Variants in DLC1 observed in about 807,000 individuals in gnomAD.
DLC1 encodes DLC1 Rho GTPase activating protein.
In DLC1, 54 loss-of-function variants were observed where a neutral mutation model predicts 140.3. That is an observed-to-expected ratio of 0.38 (90% CI 0.31 to 0.48). DLC1 has a LOEUF of 0.48. Among genes scored for constraint, DLC1 ranks in the 20% least tolerant of loss-of-function variants. DLC1 has a pLI of 0.96. For synonymous variants in DLC1, 986 were observed against 728.1 expected (o/e 1.35, Z -5.70); for missense variants, 2,536 against 1,907.0 (o/e 1.33, Z -6.14).
intron 5 of DLC1, among the ~76,000 whole-genome samples, chr8:13,117,672 G>C (rs1280424631): frequency 6.6e-6 from 1 of 152,224 alleles, no homozygotes; most frequent in African/African-American, 2.4e-5. Flanking sequence ...AAAAGTAAAT[G>C]TGCTTGCTTT....
intron 4 of DLC1, among the ~76,000 whole-genome samples, chr8:13,324,665 T>C (rs150320253): frequency 4.9e-4 from 75 of 152,088 alleles, no homozygotes; most frequent in Non-Finnish European, 9.1e-4. Context: ...CTTCATAAGC[T>C]CAGCTTCCAA....
chr8:13,554,354 C>G (rs922341339), intron 1 of DLC1, among the ~76,000 whole-genome samples: 2 of 152,176 alleles, frequency 1.3e-5, no homozygotes, highest in South Asian at 2.1e-4. Flanking sequence ...GCGTGAGCCA[C>G]TGCATCTGGC....
chr8:13,293,258 T>G (rs769159099), intron 5 of DLC1, among the ~76,000 whole-genome samples: 19 of 151,974 alleles, frequency 1.3e-4, no homozygotes, highest in Non-Finnish European at 2.4e-4. Flanking sequence ...AAAAATGAAT[T>G]AATAGCCAAA....
intron 5 of DLC1, among the ~76,000 whole-genome samples, chr8:13,211,676 T>C (rs1484170028): frequency 6.6e-6 from 1 of 152,220 alleles, no homozygotes; most frequent in African/African-American, 2.4e-5. Context: ...GTCTATTAGA[T>C]ACAAAACACA....
chr8:13,086,310 G>A lies in DLC1; in HGVS notation c.4446C>T (p.Tyr1482=). The A allele has an allele frequency of 6.2e-7, 1 of 1,614,228 alleles. No homozygotes were observed. The highest frequency in any genetic ancestry group is 1.1e-5 in the South Asian group (1 of 91,074). ...CATACCTTAAGTCAACTCTGCACAT[G>A]TAGGTGAGTTTGGATTTTCCTGGCC... ...PCGPGKSKLT[Y]MCRVDLRGHM... is the part of the protein sequence containing the mutation. The change falls in exon 17 of 18, where the codon TAC becomes TAT. Residue 1482 remains tyrosine (Y), a synonymous_variant. Transcript: ENST00000276297.
chr8:13,241,913 C>G (rs1829561036), intron 5 of DLC1, among the ~76,000 whole-genome samples: 1 of 152,098 alleles, frequency 6.6e-6, no homozygotes, highest in African/African-American at 2.4e-5. Context: ...GGGCAAAACT[C>G]AGATCTGCCC....
At chr8:13,135,808 C>G (rs13281778) in intron 5 of DLC1, among the ~76,000 whole-genome samples, 21,306 of 152,182 alleles carry the variant, frequency 0.14, 1,663 homozygotes, top group Non-Finnish European at 0.17. Flanking sequence ...TCTTCTTATT[C>G]AAGCCCCATT....
Position 13,098,670 on chromosome 8 carries a change from C to G in DLC1, c.2991-95G>C, listed in dbSNP as rs985328155. 4 of 1,325,938 alleles carry G rather than the reference C, an allele frequency of 3.0e-6. No homozygotes were observed. In the East Asian group the frequency reaches 1.0e-4, roughly 34 times the overall value. 82.1% of individuals were successfully genotyped at this position (1,325,938 alleles called of 1,614,324 possible). ...TTGCTCTGTTGCCCAGGCTGGAGTG[C>G]AGTGGTGCCATCACAGCTCACTGCA... On this transcript the variant is annotated intron_variant, in intron 9 of 17. Coordinates refer to ENST00000276297, the MANE Select transcript of DLC1 (RefSeq NM_182643.3).
At chr8:13,454,523 A>C (rs1799302933) in intron 2 of DLC1, among the ~76,000 whole-genome samples, 1 of 152,206 alleles carries the variant, frequency 6.6e-6, no homozygotes, top group South Asian at 2.1e-4. Context: ...TGATGGGTAC[A>C]TAATAAAGAA....
At position 13,100,357 on chromosome 8, in the gene DLC1, G is replaced by A. The variant is rs143747008; in HGVS notation, c.1980C>T (p.Ala660=). ...SFSMKGHEKT[A]KSKTRSLLKR... Reference sequence around the variant, plus strand: ...TCAGCAGACTGCGCGTCTTGGACTTGGCAGTTTTTTCGTGGCCTTTCATGC... The same window carrying A: ...TCAGCAGACTGCGCGTCTTGGACTTAGCAGTTTTTTCGTGGCCTTTCATGC... The change falls in exon 9 of 18, where the codon GCC becomes GCT. Residue 660 remains alanine (A), a synonymous_variant. Coordinates refer to ENST00000276297, the MANE Select transcript of DLC1 (RefSeq NM_182643.3). 1.9e-6 allele frequency: 3 copies of A among 1,614,168 alleles called. No homozygotes were observed.
At chr8:13,542,025 T>A (rs1803501787) in intron 1 of DLC1, among the ~76,000 whole-genome samples, 1 of 152,250 alleles carries the variant, frequency 6.6e-6, no homozygotes, top group Non-Finnish European at 1.5e-5. Flanking sequence ...TCTTTCATTT[T>A]CTTAAGAATA....
intron 2 of DLC1, among the ~76,000 whole-genome samples, chr8:13,490,590 G>A (rs1349764613): frequency 6.6e-6 from 1 of 152,070 alleles, no homozygotes; most frequent in Non-Finnish European, 1.5e-5. Flanking sequence ...GCATTTCTTC[G>A]AGGGAGGCAG....
At position 13,510,187 on chromosome 8, in the gene DLC1, TTC is replaced by T. The variant is rs1483699671; in HGVS notation, c.-126+4413_-126+4414del. 6.7e-5 allele frequency among the ~76,000 whole-genome samples: 10 copies of T among 149,438 alleles called. No individual in the cohort carries two copies. In the East Asian group the frequency reaches 1.4e-3, roughly 20 times the overall value. The stretch of plus-strand genomic sequence containing the variant: ...TTCTTTATTCTTTTTTTTTTTTTTT[TTC>T]CTGAGATGAAGTTTTGCTCTTGTCG... On this transcript the variant is annotated intron_variant, in intron 1 of 17. Coordinates refer to ENST00000276297, the MANE Select transcript of DLC1 (RefSeq NM_182643.3).
At chr8:13,128,599 G>C (rs548387538) in intron 5 of DLC1, among the ~76,000 whole-genome samples, 113 of 152,326 alleles carry the variant, frequency 7.4e-4, no homozygotes, top group African/African-American at 2.6e-3. Flanking sequence ...TTGGGAGGCC[G>C]AGGCGGGCGG....
At chr8:13,301,304 G>C (rs113672037) in intron 5 of DLC1, among the ~76,000 whole-genome samples, 7,747 of 151,708 alleles carry the variant, frequency 0.051, 248 homozygotes, top group South Asian at 0.12. Context: ...TTAATTCATT[G>C]AGAAGAATCA....
chr8:13,167,397 T>G, intron 5 of DLC1, among the ~76,000 whole-genome samples: 1 of 152,176 alleles, frequency 6.6e-6, no homozygotes, highest in Admixed American at 6.6e-5. Context: ...ATATATTATG[T>G]GTGTGATCTG....
At position 13,253,454 on chromosome 8, in the gene DLC1, T is replaced by C. The variant is rs530146866; in HGVS notation, c.1348+51815A>G. On this transcript the variant is annotated intron_variant, in intron 5 of 17. Coordinates refer to ENST00000276297, the MANE Select transcript of DLC1 (RefSeq NM_182643.3). Reference sequence around the variant, plus strand: ...TTATGTGTGTGTGTGTGTGTGTGATTGTATGTGTGGTGTTTAGATATGTGC... The same window carrying C: ...TTATGTGTGTGTGTGTGTGTGTGATCGTATGTGTGGTGTTTAGATATGTGC... Among the ~76,000 whole-genome samples the C allele has an allele frequency of 3.3e-5, 5 of 152,020 alleles. No individual in the cohort carries two copies. In the South Asian group the frequency reaches 1.0e-3, roughly 32 times the overall value.
At chr8:13,583,957 C>G (rs893412156) in intron 1 of DLC1, 2 of 152,270 alleles carry the variant, frequency 1.3e-5, no homozygotes, top group Admixed American at 1.3e-4. Flanking sequence ...TCACAGGGTC[C>G]AAGAGAGCTG....
chr8:13,093,015 C>T (rs756187313), intron 12 of DLC1, among the ~76,000 whole-genome samples, 190 bp from the exon 13 acceptor site: 4 of 152,124 alleles, frequency 2.6e-5, no homozygotes, highest in Non-Finnish European at 5.9e-5. Flanking sequence ...TCAAGTATTT[C>T]CTGCCTCATG....
Sources: allele counts gnomAD v4.1 joint callset (sites outside exome capture counted in the v4.1 genomes callset), GRCh38; gene constraint gnomAD v4.1.1; transcripts MANE v1.5; gene names NCBI Gene and HGNC (gene_info 2026-07-23, HGNC 2026-07-21).